Variants in SLC23A2 observed in about 807,000 individuals in gnomAD.
The protein encoded by SLC23A2 is Na(+)/L-ascorbic acid transporter 2.
SLC23A2 carries 36 observed loss-of-function variants against 73.3 expected under a neutral mutation model. The observed-to-expected ratio is 0.49, with a 90% CI of 0.38 to 0.65. The LOEUF is 0.65. Ranked by LOEUF, SLC23A2 falls within the 30% of genes least tolerant of loss-of-function variation. The pLI is 0.00. For synonymous variants in SLC23A2, 343 were observed against 327.3 expected (o/e 1.05, Z -0.52); for missense variants, 507 against 841.6 (o/e 0.60, Z 4.92).
chr20:4,963,617 A>G (rs6052991), intron 2 of SLC23A2, among the ~76,000 whole-genome samples: 60,964 of 151,892 alleles, frequency 0.4, 12,536 homozygotes, highest in Admixed American at 0.48. Context: ...GGAGGCCAAG[A>G]TGGGTGGATC....
chr20:5,000,466 C>A (rs949662734), intron 1 of SLC23A2, among the ~76,000 whole-genome samples: 1 of 152,120 alleles, frequency 6.6e-6, no homozygotes, highest in Admixed American at 6.6e-5. Flanking sequence ...GCCTTCTCTG[C>A]GCGCAGATGA....
intron 2 of SLC23A2, among the ~76,000 whole-genome samples, chr20:4,933,976 C>T (rs2086919041): frequency 6.6e-6 from 1 of 152,008 alleles, no homozygotes; most frequent in Non-Finnish European, 1.5e-5. Context: ...AGGGGAAAAA[C>T]AAAATGTAAA....
At chr20:4,893,610 G>A (rs1931410397) in intron 6 of SLC23A2, among the ~76,000 whole-genome samples, 1 of 152,136 alleles carries the variant, frequency 6.6e-6, no homozygotes, top group South Asian at 2.1e-4. Flanking sequence ...ACGGGCCCCA[G>A]GAACCTGACA....
chr20:4,967,556 T>C (rs2087492759), intron 2 of SLC23A2, among the ~76,000 whole-genome samples: 2 of 152,194 alleles, frequency 1.3e-5, no homozygotes, highest in South Asian at 4.1e-4. Flanking sequence ...AATATTTAAT[T>C]CTCTTTGCTA....
upstream of SLC23A2, among the ~76,000 whole-genome samples, chr20:5,003,300 C>A (rs2088152860): frequency 6.6e-6 from 1 of 152,030 alleles, no homozygotes; most frequent in Non-Finnish European, 1.5e-5. Context: ...AGGAGAATGG[C>A]GTGAACCCGG....
chr20:5,003,419 C>G (rs1229628063), upstream of SLC23A2, among the ~76,000 whole-genome samples: 1 of 151,882 alleles, frequency 6.6e-6, no homozygotes, highest in Non-Finnish European at 1.5e-5. Context: ...ACAACAACAA[C>G]AAAAATGCTG....
chr20:4,960,183 A>G (rs2087358394), intron 2 of SLC23A2, among the ~76,000 whole-genome samples: 1 of 151,940 alleles, frequency 6.6e-6, no homozygotes, highest in Non-Finnish European at 1.5e-5. Context: ...CACAAACCAC[A>G]TGGCCTATCT....
intron 1 of SLC23A2, among the ~76,000 whole-genome samples, chr20:4,990,680 T>C (rs1407747886): frequency 6.8e-6 from 1 of 146,572 alleles, no homozygotes; most frequent in Non-Finnish European, 1.5e-5. Flanking sequence ...CCTCCATCTC[T>C]TATCTTATTA....
intron 3 of SLC23A2, among the ~76,000 whole-genome samples, chr20:4,930,890 G>A (rs943011328): frequency 7.3e-5 from 11 of 151,434 alleles, no homozygotes; most frequent in African/African-American, 2.4e-4. Flanking sequence ...AAGAGTCTAA[G>A]TCAGTTGGCT....
chr20:4,978,169 C>T (rs76385324), intron 1 of SLC23A2, among the ~76,000 whole-genome samples: 1,943 of 152,182 alleles, frequency 0.013, 43 homozygotes, highest in African/African-American at 0.045. Context: ...AGTAATGCCC[C>T]GATTTACATT....
At chr20:4,937,798 C>G (rs2086982707) in intron 2 of SLC23A2, among the ~76,000 whole-genome samples, 1 of 152,200 alleles carries the variant, frequency 6.6e-6, no homozygotes, top group East Asian at 1.9e-4. Context: ...CCTATACACA[C>G]TGCCTCTGTG....
chr20:4,969,871 C>G (rs920858937), intron 2 of SLC23A2, among the ~76,000 whole-genome samples: 18 of 152,056 alleles, frequency 1.2e-4, no homozygotes, highest in African/African-American at 3.1e-4. Context: ...ACTACTACTG[C>G]TAAGATGTTT....
chr20:4,971,374 T>G (rs886138223), intron 1 of SLC23A2, among the ~76,000 whole-genome samples: 9 of 151,460 alleles, frequency 5.9e-5, no homozygotes, highest in Non-Finnish European at 1.2e-4. Flanking sequence ...TGATCCCAGC[T>G]ACTCAGGAGA....
intron 2 of SLC23A2, among the ~76,000 whole-genome samples, chr20:4,957,921 T>A (rs999625443): frequency 2.0e-5 from 3 of 151,180 alleles, no homozygotes. Context: ...AAAAAAAACT[T>A]ATTAAATTGG....
At chr20:5,005,221 T>G (rs2088178597), upstream of SLC23A2, among the ~76,000 whole-genome samples, 1 of 151,972 alleles carries the variant, frequency 6.6e-6, no homozygotes, top group Non-Finnish European at 1.5e-5. Context: ...GGATTAAATG[T>G]ATATAAAGTG....
chr20:4,896,514 G>A lies in SLC23A2; in HGVS notation c.482+3041C>T, dbSNP rs548749480. ...CCATCCCAAAGGCTCTCTCTAAGCC[G>A]CTCCACTGGAAAGATTCTTTAATCA... On this transcript the variant is annotated intron_variant, in intron 6 of 16. Coordinates refer to ENST00000338244, the MANE Select transcript of SLC23A2 (RefSeq NM_005116.6). 3.9e-4 allele frequency among the ~76,000 whole-genome samples: 59 copies of A among 152,286 alleles called. 1 individual carries two copies. The South Asian group carries it at 5.4e-3, about 14-fold the overall frequency.
chr20:5,000,902 G>A (rs2088109226), intron 1 of SLC23A2, among the ~76,000 whole-genome samples: 1 of 152,202 alleles, frequency 6.6e-6, no homozygotes, highest in Non-Finnish European at 1.5e-5. Context: ...AAGAAAGCAA[G>A]AATGTAAAAG....
At chr20:4,923,725 C>T (rs774184985) in intron 3 of SLC23A2, among the ~76,000 whole-genome samples, 1 of 152,138 alleles carries the variant, frequency 6.6e-6, no homozygotes, top group African/African-American at 2.4e-5. Context: ...TAGGGATGTA[C>T]AAAAAGGAAC....
At chr20:4,965,888 A>G (rs1218819577) in intron 2 of SLC23A2, among the ~76,000 whole-genome samples, 1 of 149,332 alleles carries the variant, frequency 6.7e-6, no homozygotes, top group African/African-American at 2.5e-5. Flanking sequence ...AATTGCTTGA[A>G]CCTGGGAGGC....
Sources: allele counts gnomAD v4.1 joint callset (sites outside exome capture counted in the v4.1 genomes callset), GRCh38; gene constraint gnomAD v4.1.1; transcripts MANE v1.5; gene names NCBI Gene and HGNC (gene_info 2026-07-23, HGNC 2026-07-21).